BCL2L14: variants seen among roughly 807,000 people sequenced by gnomAD.
The protein encoded by BCL2L14 is BCL2 like 14.
In BCL2L14, 27 loss-of-function variants were observed where a neutral mutation model predicts 35.3. The ratio of observed to expected loss-of-function variants is 0.76; its 90% confidence interval spans 0.56 to 1.05. BCL2L14 has a LOEUF of 1.05. BCL2L14 is among the 50% of genes least tolerant of loss of function. The probability of loss-of-function intolerance (pLI) is 0.00; values close to 1 mark genes in which losing one functional copy is unlikely to be tolerated. For missense variants in BCL2L14, 377 were observed against 382.6 expected, an observed-to-expected ratio of 0.99 and a Z score of 0.12; for synonymous variants, 139 against 145.9, an observed-to-expected ratio of 0.95 and a Z score of 0.34.
At chr12:12,065,210 C>G (rs937529059) in intron 2 of BCL2L14, among the ~76,000 whole-genome samples, 3 of 152,014 alleles carry the variant, frequency 2.0e-5, no homozygotes, top group Non-Finnish European at 4.4e-5. Flanking sequence ...TATAGAGCAC[C>G]TTTTAAAAAA....
At chr12:12,061,062 A>C in intron 2 of BCL2L14, among the ~76,000 whole-genome samples, 2 of 96,400 alleles carry the variant, frequency 2.1e-5, no homozygotes, top group African/African-American at 8.2e-5. Context: ...ACCTCTTAAA[A>C]CTCCCCAACT....
chr12:12,069,760 T>C (rs1948641910), upstream of BCL2L14, among the ~76,000 whole-genome samples: 1 of 151,892 alleles, frequency 6.6e-6, no homozygotes. Flanking sequence ...AAAATCATTC[T>C]TAGTATTTCT....
intron 2 of BCL2L14, chr12:12,051,955 G>A (rs142599983): frequency 9.1e-4 from 138 of 152,348 alleles, no homozygotes; most frequent in African/African-American, 3.2e-3. Flanking sequence ...AAGTGGAATT[G>A]AGTTGGAGTT....
upstream of BCL2L14, among the ~76,000 whole-genome samples, chr12:12,066,418 G>A (rs775676870): frequency 2.0e-5 from 3 of 152,050 alleles, no homozygotes; most frequent in Non-Finnish European, 4.4e-5. Context: ...ACTCAGTGAT[G>A]GGCAAAAACC....
Position 12,079,667 on chromosome 12 carries a change from A to T in BCL2L14, c.362A>T (p.Glu121Val). The T allele has an allele frequency of 6.2e-7, 1 of 1,614,212 alleles. No homozygotes were observed. The highest frequency in any genetic ancestry group is 2.2e-5 in the East Asian group (1 of 44,888). The stretch of plus-strand genomic sequence containing the variant: ...TCTGCTCAGGGTCAAAGGACGTTGG[A>T]ATACCAAGATTCGCACAGCCAGCAG... ...KVSAQGQRTL[E>V]YQDSHSQQWS... is the part of the protein sequence containing the mutation. Residue 121 changes from glutamate to valine, a missense_variant, in exon 2 of 6, where the codon GAA becomes GTA. Transcript: ENST00000308721.
intron 1 of BCL2L14, among the ~76,000 whole-genome samples, chr12:12,050,440 A>G (rs1403822543): frequency 6.8e-6 from 1 of 147,416 alleles, no homozygotes; most frequent in Non-Finnish European, 1.5e-5. Context: ...CTCAAAAAAA[A>G]AAAAAAAAAG....
At chr12:12,079,867 C>A (rs1948872678) in intron 2 of BCL2L14, 129 bp downstream of exon 2, 2 of 933,762 alleles carry the variant, frequency 2.1e-6, no homozygotes, top group Non-Finnish European at 3.2e-6. Flanking sequence ...AGCTTTCCAA[C>A]TTATTAGTGT....
intron 2 of BCL2L14, among the ~76,000 whole-genome samples, chr12:12,065,625 T>C (rs1412926004): frequency 1.3e-5 from 2 of 150,730 alleles, no homozygotes; most frequent in Non-Finnish European, 3.0e-5. Flanking sequence ...GGTAAGTAGA[T>C]GGGAAAAGTA....
chr12:12,058,059 T>C (rs1948459418), intron 2 of BCL2L14, among the ~76,000 whole-genome samples: 1 of 151,298 alleles, frequency 6.6e-6, no homozygotes, highest in Non-Finnish European at 1.5e-5. Context: ...GCAATTCTTT[T>C]GCCTCGGCCT....
intron 1 of BCL2L14, among the ~76,000 whole-genome samples, chr12:12,079,042 G>C (rs573484768): frequency 1.3e-5 from 2 of 152,270 alleles, no homozygotes; most frequent in East Asian, 3.9e-4. Flanking sequence ...TGATCTGCCC[G>C]CCTTGGCCTC....
At chr12:12,061,094 C>T (rs1344547637) in intron 2 of BCL2L14, among the ~76,000 whole-genome samples, 2 of 109,630 alleles carry the variant, frequency 1.8e-5, no homozygotes, top group African/African-American at 7.3e-5. Flanking sequence ...TTAGACAATA[C>T]TCTTTTAAGC....
In BCL2L14 at chr12:12,087,355, C is replaced by T. The variant is rs1949070140; in HGVS notation, c.576C>T (p.Gly192=). The change falls in exon 3 of 6, where the codon GGC becomes GGT. Residue 192 remains glycine, a synonymous_variant. Transcript: ENST00000308721. Reference sequence around the variant, plus strand: ...AGGGTCTCTCCTTCCAGCTCCAAGGCCACGTGCCTGTAGCTTCAAGTTCTA... The same window carrying T: ...AGGGTCTCTCCTTCCAGCTCCAAGGTCACGTGCCTGTAGCTTCAAGTTCTA... ...VTEGLSFQLQ[G]HVPVASSSKK... 1 of 1,614,218 alleles carries T rather than the reference C, an allele frequency of 6.2e-7. No homozygotes were observed. Among genetic ancestry groups the T allele is most frequent in the South Asian group, 1.1e-5 (1 of 91,070 alleles).
chr12:12,079,546 G>C lies in BCL2L14; in HGVS notation c.241G>C (p.Glu81Gln). 1 of 1,614,224 alleles carries C rather than the reference G, an allele frequency of 6.2e-7. No homozygotes were observed. Residue 81 changes from glutamate to glutamine, a missense_variant, in exon 2 of 6, where the codon GAG becomes CAG. Glu to Gln is a conservative substitution (Grantham distance 29, BLOSUM62 2). Coordinates refer to ENST00000308721, the MANE Select transcript of BCL2L14 (RefSeq NM_138723.2). The stretch of plus-strand genomic sequence containing the variant: ...GCCTTGCAGAAATTCCCAATCCAGT[G>C]AGAAGGCCATAAACCTTGGCAAGAA... The part of the protein sequence containing the change: ...SWPCRNSQSS[E>Q]KAINLGKKKS...
At chr12:12,072,704 G>T (rs979941007) in intron 1 of BCL2L14, among the ~76,000 whole-genome samples, 7 of 152,130 alleles carry the variant, frequency 4.6e-5, no homozygotes, top group African/African-American at 1.7e-4. Flanking sequence ...CCAAAGTTGG[G>T]CTTCTTGTAT....
At chr12:12,057,085 A>G (rs549826261) in intron 2 of BCL2L14, among the ~76,000 whole-genome samples, 86 of 152,386 alleles carry the variant, frequency 5.6e-4, no homozygotes, top group African/African-American at 2.0e-3. Context: ...AAACCAGCTC[A>G]AAGGAGAAAA....
At chr12:12,061,820 C>A (rs567073404) in intron 2 of BCL2L14, among the ~76,000 whole-genome samples, 297 of 152,286 alleles carry the variant, frequency 2.0e-3, no homozygotes, top group African/African-American at 6.6e-3. Context: ...CCTATCTCAG[C>A]ATAATTCTCA....
chr12:12,067,105 C>T (rs973712497), upstream of BCL2L14, among the ~76,000 whole-genome samples: 1 of 152,064 alleles, frequency 6.6e-6, no homozygotes, highest in East Asian at 1.9e-4. Flanking sequence ...CGCTCTGTCA[C>T]CCAGGCTGGA....
At chr12:12,088,125 T>C (rs879292660) in intron 3 of BCL2L14, among the ~76,000 whole-genome samples, 1 of 152,142 alleles carries the variant, frequency 6.6e-6, no homozygotes, top group Non-Finnish European at 1.5e-5. Flanking sequence ...ATCGAGGACA[T>C]GGACACACAC....
At chr12:12,097,449 T>C (rs1949340400) in intron 5 of BCL2L14, among the ~76,000 whole-genome samples, 1 of 152,338 alleles carries the variant, frequency 6.6e-6, no homozygotes, top group African/African-American at 2.4e-5. Context: ...GGCCATATAC[T>C]GTATGATTCC....
Sources: gnomAD v4.1 joint callset for allele counts (sites outside exome capture counted in the v4.1 genomes callset) on GRCh38, gnomAD v4.1.1 for gene constraint, MANE v1.5 for transcripts, NCBI Gene and HGNC (gene_info 2026-07-23, HGNC 2026-07-21) for gene names.